Variants in SAMD9 observed in about 807,000 individuals in gnomAD.
SAMD9 encodes sterile alpha motif domain-containing protein 9.
In SAMD9, 3 loss-of-function variants were observed where a neutral mutation model predicts 1.5. That is an observed-to-expected ratio of 2.05 (90% CI 0.93 to 5.29). SAMD9 has a LOEUF of 5.29. Among genes scored for constraint, SAMD9 ranks in the 30% most tolerant of loss-of-function variants. SAMD9 has a pLI of 0.02. For synonymous variants in SAMD9, 635 were observed against 631.9 expected, an observed-to-expected ratio of 1.00 and a Z score of -0.07; for missense variants, 1,597 against 1,820.8, an observed-to-expected ratio of 0.88 and a Z score of 2.24.
chr7:93,109,469 GAGA>G (rs1281612975), intron 2 of SAMD9, among the ~76,000 whole-genome samples: 1 of 152,018 alleles, frequency 6.6e-6, no homozygotes, highest in Non-Finnish European at 1.5e-5. Flanking sequence ...TATGAGATGA[GAGA>G]AGAAGTCTTC....
rs148389839 is a variant in SAMD9, at chr7:93,109,998, A to G, written c.-8-3893T>C. ...CTCGGGGAGAGCAACTCCAAGACACATAATTGTCAGATTCACCAAAGTTGA... is the reference window on the plus strand; with the variant it reads ...CTCGGGGAGAGCAACTCCAAGACACGTAATTGTCAGATTCACCAAAGTTGA... On this transcript the variant is annotated intron_variant, in intron 2 of 2. Transcript: ENST00000379958. Among the ~76,000 whole-genome samples, 200 of 152,342 alleles carry G rather than the reference A, an allele frequency of 1.3e-3. 1 individual carries two copies. The East Asian group carries it at 0.034, about 26-fold the overall frequency.
Position 93,106,783 on chromosome 7 carries a change from C to A in SAMD9, c.-8-678G>T, listed in dbSNP as rs191725013. On this transcript the variant is annotated intron_variant, in intron 2 of 2. Transcript: ENST00000379958. ...CTAATGACCTGTATCTGTGGCCAGG[C>A]ATACTCATCCCTCTGCATTTCTCTG... 4.3e-3 allele frequency among the ~76,000 whole-genome samples: 661 copies of A among 152,296 alleles called. 5 individuals carry two copies. Among genetic ancestry groups the A allele is most frequent in the Middle Eastern group, 6.8e-3 (2 of 294 alleles).
intron 2 of SAMD9, among the ~76,000 whole-genome samples, chr7:93,114,442 G>T (rs1414108728): frequency 6.6e-6 from 1 of 150,914 alleles, no homozygotes; most frequent in Non-Finnish European, 1.5e-5. Flanking sequence ...AGAACTTAAA[G>T]TATAGTTTTT....
Position 93,117,875 on chromosome 7 carries a change from C to T in SAMD9, c.-122G>A, listed in dbSNP as rs1258724371. 4 of 152,296 alleles carry T rather than the reference C, an allele frequency of 2.6e-5. No homozygotes were observed. The highest frequency in any genetic ancestry group is 7.2e-5 in the African/African-American group (3 of 41,566). 9.4% of individuals were successfully genotyped at this position (152,296 alleles called of 1,614,324 possible). A position where few individuals can be genotyped will look rare whatever the true frequency, so the allele number is the denominator to read the frequency against. ...ATATTGTACTTACCCAGTAGTCTTG[C>T]AAATTTCTTTTACATATATGTGGGG... is the stretch of plus-strand genomic sequence containing the variant. On this transcript the variant is annotated 5_prime_UTR_variant, in exon 1 of 3. Coordinates refer to ENST00000379958, the MANE Select transcript of SAMD9 (RefSeq NM_017654.4).
At chr7:93,111,494 T>C (rs1791743020) in intron 2 of SAMD9, among the ~76,000 whole-genome samples, 1 of 152,010 alleles carries the variant, frequency 6.6e-6, no homozygotes. Flanking sequence ...CAAAAAACCC[T>C]TCAAAAAAAT....
chr7:93,117,390 T>C (rs1395242298), intron 1 of SAMD9, among the ~76,000 whole-genome samples: 1 of 152,036 alleles, frequency 6.6e-6, no homozygotes, highest in African/African-American at 2.4e-5. Flanking sequence ...GCAATCCTTC[T>C]GCCTCAGCCT....
At position 93,103,231 on chromosome 7, in the gene SAMD9, A is replaced by G. The variant is rs767133608; in HGVS notation, c.2867T>C (p.Phe956Ser). The G allele has an allele frequency of 8.1e-6, 13 of 1,613,790 alleles. No individual in the cohort carries two copies. The highest frequency in any genetic ancestry group is 2.2e-5 in the East Asian group (1 of 44,868). The stretch of plus-strand genomic sequence containing the variant: ...AGAGTAGGTGCCCATCTTGTCTTCA[A>G]ATTTTTCTGTCCCCCAGAAAGCCTT... ...NKKAFWGTEK[F>S]EDKMGTYSTI... Residue 956 changes from phenylalanine (F) to serine (S), a missense_variant, in exon 3 of 3, where the codon TTT becomes TCT. Phe to Ser is a radical substitution (Grantham distance 155, BLOSUM62 -2). This residue lies in a region of SAMD9 where 682 missense variants were observed against 810.0 expected (regional missense o/e 0.84). Coordinates refer to ENST00000379958, the MANE Select transcript of SAMD9 (RefSeq NM_017654.4).
In SAMD9 at chr7:93,103,818, A is replaced by C. The variant is rs776683023; in HGVS notation, c.2280T>G (p.Cys760Trp). Residue 760 changes from cysteine to tryptophan, a missense_variant, in exon 3 of 3, where the codon TGT (cysteine) becomes TGG (tryptophan). This residue lies in a region of SAMD9 where 358 missense variants were observed against 460.4 expected (regional missense o/e 0.78). Coordinates refer to ENST00000379958, the MANE Select transcript of SAMD9 (RefSeq NM_017654.4). ...ILWELRKKFR[C>W]AVLKNKTVDF... ...CCACTGTCTTGTTTTTCAGCACAGC[A>C]CATCTGAATTTCTTCCTTAGTTCCC... The C allele has an allele frequency of 6.8e-6, 11 of 1,613,958 alleles. No homozygotes were observed. The highest frequency in any genetic ancestry group is 8.5e-6 in the Non-Finnish European group (10 of 1,179,880).
rs758043725 is a variant in SAMD9, at chr7:93,102,767, T to A, written c.3331A>T (p.Ile1111Phe). ...NALNWAKQAKIIEPDNSYISD... is the reference protein window; with the variant it reads ...NALNWAKQAKFIEPDNSYISD... ...ATATAAGAATTGTCAGGTTCTATGA[T>A]TTTTGCTTGTTTTGCCCAGTTTAGA... is the stretch of plus-strand genomic sequence containing the variant. The change falls in exon 3 of 3, where the codon ATC (isoleucine) becomes TTC (phenylalanine). Residue 1111 changes from isoleucine (I) to phenylalanine (F), a missense_variant. By Grantham distance (21) the Ile-to-Phe change is conservative. Around this residue, in one of 6 missense-constraint regions of SAMD9, gnomAD observed 682 missense variants for 810.0 expected, o/e 0.84. Transcript: ENST00000379958. The A allele has an allele frequency of 6.2e-7, 1 of 1,613,874 alleles. No homozygotes were observed. The highest frequency in any genetic ancestry group is 8.5e-7 in the Non-Finnish European group (1 of 1,179,774).
At chr7:93,106,901 T>C (rs1262574448) in intron 2 of SAMD9, among the ~76,000 whole-genome samples, 1 of 152,144 alleles carries the variant, frequency 6.6e-6, no homozygotes, top group African/African-American at 2.4e-5. Flanking sequence ...AATTGTACAA[T>C]CAGTGGAGAA....
rs376258200 is a variant in SAMD9, at chr7:93,104,638, T to C, written c.1460A>G (p.His487Arg). 104 of 1,613,974 alleles carry C rather than the reference T, an allele frequency of 6.4e-5. No individual in the cohort carries two copies. Among genetic ancestry groups the C allele is most frequent in the Non-Finnish European group, 8.1e-5 (96 of 1,179,954 alleles). ...NETISTLNLY[H>R]QPSWIFCNGR... ...ATTGCAGAAAATCCAGCTGGGTTGA[T>C]GGTAAAGATTTAGAGTAGAAATCGT... is the stretch of plus-strand genomic sequence containing the variant. Residue 487 changes from histidine to arginine, a missense_variant, in exon 3 of 3, where the codon CAT (histidine) becomes CGT (arginine). By Grantham distance (29) the His-to-Arg change is conservative. Around this residue, in one of 6 missense-constraint regions of SAMD9, gnomAD observed 358 missense variants for 460.4 expected, o/e 0.78. Transcript: ENST00000379958.
Position 93,101,430 on chromosome 7 carries a change from A to G in SAMD9, c.4668T>C (p.Ala1556=), listed in dbSNP as rs779614042. ...NEKITIPITP[A]FLGQLRSGRS... is the part of the protein sequence containing the mutation. ...TGCCACTTCTAAGTTGACCTAAAAA[A>G]GCGGGAGTGATGGGTATTGTGATTT... is the stretch of plus-strand genomic sequence containing the variant. Residue 1556 remains alanine (A), a synonymous_variant, in exon 3 of 3, where the codon GCT becomes GCC. Coordinates refer to ENST00000379958, the MANE Select transcript of SAMD9 (RefSeq NM_017654.4). 2 of 1,613,710 alleles carry G rather than the reference A, an allele frequency of 1.2e-6. No individual in the cohort carries two copies. Among genetic ancestry groups the G allele is most frequent in the African/African-American group, 1.3e-5 (1 of 74,932 alleles).
In SAMD9 at chr7:93,100,803, G is replaced by A. The variant is rs145391495; in HGVS notation, c.*525C>T. On this transcript the variant is annotated 3_prime_UTR_variant, in exon 3 of 3. Coordinates refer to ENST00000379958, the MANE Select transcript of SAMD9 (RefSeq NM_017654.4). ...TTGGTAAGGTCTGATGACTTCTGTG[G>A]GCATGACCTTCAGAAGACTGGTTGG... 5.7e-3 allele frequency: 916 copies of A among 160,046 alleles called. 9 individuals are homozygous for A. Among genetic ancestry groups the A allele is most frequent in the Non-Finnish European group, 8.3e-3 (599 of 72,482 alleles). The allele number at this position is 160,046 out of a possible 1,614,324, so 9.9% of individuals were successfully genotyped here. A position where few individuals can be genotyped will look rare whatever the true frequency, so the allele number is the denominator to read the frequency against.
chr7:93,106,043 C>T lies in SAMD9; in HGVS notation c.55G>A (p.Val19Ile), dbSNP rs1158948048. 1.9e-6 allele frequency: 3 copies of T among 1,594,330 alleles called. No individual in the cohort carries two copies. Among genetic ancestry groups the T allele is most frequent in the Admixed American group, 1.8e-5 (1 of 54,692 alleles). ...TTATGACTTTCTAACCACTGATTTA[C>T]ATCCTCTTTTGTCCAATCATCTGTA... The part of the protein sequence containing the change: ...ENTDDWTKED[V>I]NQWLESHKID... Residue 19 changes from valine to isoleucine, a missense_variant, in exon 3 of 3, where the codon GTA (valine) becomes ATA (isoleucine). This residue lies in a region of SAMD9 where 498 missense variants were observed against 457.4 expected (regional missense o/e 1.09). Transcript: ENST00000379958.
In SAMD9 at chr7:93,102,267, C is replaced by G. The variant is rs758770919; in HGVS notation, c.3831G>C (p.Leu1277=). 9 of 1,613,218 alleles carry G rather than the reference C, an allele frequency of 5.6e-6. No homozygotes were observed. The highest frequency in any genetic ancestry group is 6.8e-6 in the Non-Finnish European group (8 of 1,179,406). Residue 1277 remains leucine (L), a synonymous_variant, in exon 3 of 3, where the codon CTG becomes CTC. Transcript: ENST00000379958. ...GCTTAATATTGTTCCTGGGTTTTAGCAGGACAAAGTATTCATCAAAAAAAT... is the reference window on the plus strand; with the variant it reads ...GCTTAATATTGTTCCTGGGTTTTAGGAGGACAAAGTATTCATCAAAAAAAT... The part of the protein sequence containing the change: ...SFDFFDEYFV[L]LKPRNNIKQN...
chr7:93,103,937 A>G lies in SAMD9; in HGVS notation c.2161T>C (p.Cys721Arg), dbSNP rs773420311. ...CTTGTTGGTTTAGAAGAATCTGCAC[A>G]GTTTTGAATCATTGCTTCAAGTCTT... ...YERLEAMIQNCADSSKPTSTK... is the reference protein window; with the variant it reads ...YERLEAMIQNRADSSKPTSTK... Residue 721 changes from cysteine to arginine, a missense_variant, in exon 3 of 3, where the codon TGT becomes CGT. Cys to Arg is a radical substitution (Grantham distance 180, BLOSUM62 -3). Around this residue, in one of 6 missense-constraint regions of SAMD9, gnomAD observed 358 missense variants for 460.4 expected, o/e 0.78. Coordinates refer to ENST00000379958, the MANE Select transcript of SAMD9 (RefSeq NM_017654.4). 3 of 1,613,440 alleles carry G rather than the reference A, an allele frequency of 1.9e-6. No homozygotes were observed. The highest frequency in any genetic ancestry group is 1.6e-4 in the Middle Eastern group (1 of 6,062).
In SAMD9 at chr7:93,104,960, A is replaced by G; in HGVS notation, c.1138T>C (p.Phe380Leu). 1 of 1,610,514 alleles carries G rather than the reference A, an allele frequency of 6.2e-7. No individual in the cohort carries two copies. The highest frequency in any genetic ancestry group is 1.7e-4 in the Middle Eastern group (1 of 6,040). ...AESRKAAEEK[F>L]RAKTNKKERE... ...TCTTTTTTATTTGTTTTTGCTCTGA[A>G]TTTTTCTTCTGCTGCTTTTCTGGAC... is the stretch of plus-strand genomic sequence containing the variant. Residue 380 changes from phenylalanine to leucine, a missense_variant, in exon 3 of 3, where the codon TTC becomes CTC. Phe to Leu is a conservative substitution (Grantham distance 22). Around this residue, in one of 6 missense-constraint regions of SAMD9, gnomAD observed 498 missense variants for 457.4 expected, o/e 1.09. Transcript: ENST00000379958.
At chr7:93,111,898 A>T (rs1418005619) in intron 2 of SAMD9, among the ~76,000 whole-genome samples, 1 of 152,226 alleles carries the variant, frequency 6.6e-6, no homozygotes, top group Non-Finnish European at 1.5e-5. Context: ...AGCTGGTACC[A>T]TTCCTTCTGA....
intron 2 of SAMD9, among the ~76,000 whole-genome samples, chr7:93,113,717 C>A (rs929280162): frequency 6.6e-6 from 1 of 152,046 alleles, no homozygotes; most frequent in Non-Finnish European, 1.5e-5. Context: ...TCACTGGCCA[C>A]CAGAGAAATG....
Sources: allele counts gnomAD v4.1 joint callset (sites outside exome capture counted in the v4.1 genomes callset), GRCh38; gene constraint gnomAD v4.1.1; regional missense constraint gnomAD v4.1.1; transcripts MANE v1.5; gene names NCBI Gene and HGNC (gene_info 2026-07-23, HGNC 2026-07-21).